The following RET variants were observed in gnomAD, a reference collection of about 807,000 sequenced individuals.
The protein encoded by RET is ret proto-oncogene, also known as proto-oncogene tyrosine-protein kinase receptor Ret.
RET carries 19 observed loss-of-function variants against 118.3 expected under a neutral mutation model. The ratio of observed to expected loss-of-function variants is 0.16; its 90% CI spans 0.11 to 0.24. RET has a LOEUF of 0.24. Ranked by LOEUF, RET falls within the 10% of genes least tolerant of loss-of-function variation. RET has a pLI of 1.00. For missense variants in RET, 1,219 were observed against 1,502.1 expected, an observed-to-expected ratio of 0.81 and a Z score of 3.12; for synonymous variants, 597 against 644.1, an observed-to-expected ratio of 0.93 and a Z score of 1.11.
In RET at chr10:43,106,181, G is replaced by A. The variant is rs1037671028; in HGVS notation, c.868-195G>A. Reference sequence around the variant, plus strand: ...AGGCGAGGCTCAGTGGCTCAGGGAAGGTGACGGCCAGGCTGGCCAGTGACC... The same window carrying A: ...AGGCGAGGCTCAGTGGCTCAGGGAAAGTGACGGCCAGGCTGGCCAGTGACC... On this transcript the variant is annotated intron_variant, in intron 4 of 19. Coordinates refer to ENST00000355710, the MANE Select transcript of RET (RefSeq NM_020975.6). The surrounding 1 kb of genome is among the most constrained non-coding windows in gnomAD (Gnocchi z 5.1). Among the ~76,000 whole-genome samples the A allele has an allele frequency of 2.6e-5, 4 of 152,248 alleles. No homozygotes were observed. The highest frequency in any genetic ancestry group is 4.4e-5 in the Non-Finnish European group (3 of 68,040).
chr10:43,108,031 T>TA lies in RET; in HGVS notation c.1064-990dup, dbSNP rs948533448. 8.6e-4 allele frequency among the ~76,000 whole-genome samples: 127 copies of TA among 147,344 alleles called. 1 individual carries two copies. The highest frequency in any genetic ancestry group is 1.2e-3 in the Admixed American group (17 of 14,772). On this transcript the variant is annotated intron_variant, in intron 5 of 19. Transcript: ENST00000355710. ...TAAACCACGTTATACCTGGGTAACT[T>TA]AAAAAAAAAAGGTTTTTAACAAGAT...
At chr10:43,117,665 G>A (rs570359900) in intron 12 of RET, among the ~76,000 whole-genome samples, 18 of 152,346 alleles carry the variant, frequency 1.2e-4, no homozygotes, top group African/African-American at 4.1e-4. Context: ...CCATCGGGAC[G>A]CATGTGCTGG....
At position 43,102,611 on chromosome 10, in the gene RET, G is replaced by T; in HGVS notation, c.607G>T (p.Ala203Ser). ...GTTCTTGTGCCCCAACATCAGCGTG[G>T]CCTACAGGCTCCTGGAGGGTGAGTG... ...VQFLCPNISV[A>S]YRLLEGEGLP... is the part of the protein sequence containing the mutation. The change falls in exon 3 of 20, where the codon GCC (alanine) becomes TCC (serine). Residue 203 changes from alanine to serine, a missense_variant. Transcript: ENST00000355710. The T allele has an allele frequency of 6.2e-7, 1 of 1,614,120 alleles. No individual in the cohort carries two copies.
At chr10:43,087,306 T>C (rs1837310307) in intron 1 of RET, among the ~76,000 whole-genome samples, 1 of 152,166 alleles carries the variant, frequency 6.6e-6, no homozygotes, top group East Asian at 1.9e-4. Context: ...TCTGAGGAGA[T>C]CCTGCACTCC....
In RET at chr10:43,113,693, G is replaced by T. The variant is rs368088386; in HGVS notation, c.1879+18G>T. 6.2e-7 allele frequency: 1 copy of T among 1,612,186 alleles called. No individual in the cohort carries two copies. The highest frequency in any genetic ancestry group is 8.5e-7 in the Non-Finnish European group (1 of 1,179,724). Reference sequence around the variant, plus strand: ...CATCCAGGGTGAGTGGGTGGCGGCCGGGACCACCACCACCTCCCAGCCCCA... The same window carrying T: ...CATCCAGGGTGAGTGGGTGGCGGCCTGGACCACCACCACCTCCCAGCCCCA... On this transcript the variant is annotated intron_variant, in intron 10 of 19. Transcript: ENST00000355710.
intron 3 of RET, 117 bp downstream of exon 3, chr10:43,102,746 A>G: frequency 3.1e-6 from 4 of 1,301,732 alleles, no homozygotes; most frequent in Non-Finnish European, 4.3e-6. Context: ...CAGTTCATTC[A>G]ATATTCCAGA....
chr10:43,077,403 T>C, intron 1 of RET, 72 bp downstream of exon 1: 3 of 1,454,656 alleles, frequency 2.1e-6, no homozygotes, highest in Non-Finnish European at 2.7e-6. Flanking sequence ...AGCGGGCGCG[T>C]TCAGAAGCGC....
intron 5 of RET, among the ~76,000 whole-genome samples, chr10:43,108,585 A>G (rs1481949467): frequency 3.9e-5 from 6 of 152,138 alleles, no homozygotes; most frequent in Admixed American, 3.9e-4. Flanking sequence ...CCCTTGGCCA[A>G]GAGGGGATCT....
rs376565365 is a variant in RET at position 43,100,560 on chromosome 10, G to A, written c.175G>A (p.Ala59Thr). ...GCTGTACGTCCATGCCCTGCGGGAC[G>A]CCCCTGAGGAGGTGCCCAGCTTCCG... ...PLLYVHALRDAPEEVPSFRLG... is the reference protein window; with the variant it reads ...PLLYVHALRDTPEEVPSFRLG... The change falls in exon 2 of 20, where the codon GCC becomes ACC. Residue 59 changes from alanine (A) to threonine (T), a missense_variant. Ala to Thr is a moderately conservative substitution (Grantham distance 58). This residue lies in a region of RET where 84 missense variants were observed against 163.6 expected (regional missense o/e 0.51). Transcript: ENST00000355710. The A allele has an allele frequency of 5.0e-5, 80 of 1,613,742 alleles. No individual in the cohort carries two copies. The highest frequency in any genetic ancestry group is 1.7e-4 in the African/African-American group (13 of 74,916).
chr10:43,100,867 C>T, intron 2 of RET, 145 bp downstream of exon 2: 1 of 895,628 alleles, frequency 1.1e-6, no homozygotes, highest in Non-Finnish European at 1.7e-6. Context: ...GTGAGGCTGG[C>T]CTGCCTCTGT....
In RET at chr10:43,106,930, A is replaced by G. The variant is rs994643583; in HGVS notation, c.1063+359A>G. Among the ~76,000 whole-genome samples the G allele has an allele frequency of 3.3e-5, 5 of 152,078 alleles. No individual in the cohort carries two copies. The highest frequency in any genetic ancestry group is 4.8e-5 in the African/African-American group (2 of 41,408). On this transcript the variant is annotated intron_variant, in intron 5 of 19. Coordinates refer to ENST00000355710, the MANE Select transcript of RET (RefSeq NM_020975.6). This position sits in a 1 kb window ranked among gnomAD's most constrained non-coding sequence, Gnocchi z 5.1. The stretch of plus-strand genomic sequence containing the variant: ...TCCATCGTTGCCCCTAAGGCGTCCC[A>G]AGTGCTTACGGATTATTGCTCCAGC...
chr10:43,111,132 G>T (rs1415055417), intron 6 of RET, 75 bp from the exon 7 acceptor site: 2 of 1,599,692 alleles, frequency 1.3e-6, no homozygotes, highest in African/African-American at 1.3e-5. Flanking sequence ...CTTAGGCTGT[G>T]TGGGAATCTC....
At chr10:43,104,870 C>CG in intron 3 of RET, 82 bp from the exon 4 acceptor site, 1 of 1,507,656 alleles carries the variant, frequency 6.6e-7, no homozygotes, top group Non-Finnish European at 8.8e-7. Context: ...CCGCTCTGAC[C>CG]GCAGAGCCCC....
intron 15 of RET, 108 bp downstream of exon 15, chr10:43,120,311 C>T: frequency 2.0e-6 from 3 of 1,482,304 alleles, no homozygotes; most frequent in Non-Finnish European, 2.8e-6. Flanking sequence ...TAGTGGAGCT[C>T]TAAGCTTTTT....
At chr10:43,100,861 G>C in intron 2 of RET, 139 bp downstream of exon 2, 1 of 925,516 alleles carries the variant, frequency 1.1e-6, no homozygotes, top group Non-Finnish European at 1.7e-6. Context: ...GGTTAAGTGA[G>C]GCTGGCCTGC....
chr10:43,097,152 T>C (rs1208598176), intron 1 of RET, among the ~76,000 whole-genome samples: 1 of 152,164 alleles, frequency 6.6e-6, no homozygotes, highest in Non-Finnish European at 1.5e-5. Flanking sequence ...ATGTGGGCTT[T>C]GTGGTGGGGG....
At chr10:43,096,914 C>T (rs558784107) in intron 1 of RET, among the ~76,000 whole-genome samples, 1 of 152,338 alleles carries the variant, frequency 6.6e-6, no homozygotes, top group South Asian at 2.1e-4. Context: ...TGTGTTTTTC[C>T]ATCTAGAAGT....
chr10:43,100,796 T>G (rs997144242), intron 2 of RET, 74 bp downstream of exon 2: 2 of 1,452,972 alleles, frequency 1.4e-6, no homozygotes, highest in African/African-American at 3.1e-5. Context: ...TCACAGCCGC[T>G]GACACTGAAG....
At chr10:43,082,557 C>G (rs1588851938) in intron 1 of RET, among the ~76,000 whole-genome samples, 1 of 152,212 alleles carries the variant, frequency 6.6e-6, no homozygotes, top group South Asian at 2.1e-4. Flanking sequence ...GTTCTAGACC[C>G]CCTCCCAGAT....
Sources: allele counts gnomAD v4.1 joint callset (sites outside exome capture counted in the v4.1 genomes callset), GRCh38; gene constraint gnomAD v4.1.1; regional missense constraint gnomAD v4.1.1; non-coding constraint Gnocchi (gnomAD v3.1); transcripts MANE v1.5; gene names NCBI Gene and HGNC (gene_info 2026-07-23, HGNC 2026-07-21).